The following ABCA12 variants were observed in gnomAD, a reference collection of about 807,000 sequenced individuals.
The protein encoded by ABCA12 is glucosylceramide transporter ABCA12.
A neutral mutation model predicts 293.5 loss-of-function variants in ABCA12; 156 were observed. The ratio of observed to expected loss-of-function variants is 0.53; its 90% CI spans 0.47 to 0.61. The LOEUF is 0.61. Among genes scored for constraint, ABCA12 ranks in the 20% least tolerant of loss-of-function variants. The pLI is 0.00. For missense variants in ABCA12, 2,797 were observed against 3,090.2 expected, an observed-to-expected ratio of 0.91 and a Z score of 2.25; for synonymous variants, 1,063 against 1,108.0, an observed-to-expected ratio of 0.96 and a Z score of 0.81.
chr2:215,103,267 C>CTT (rs72000528), intron 2 of ABCA12, among the ~76,000 whole-genome samples: 5,518 of 122,242 alleles, frequency 0.045, 270 homozygotes, highest in Non-Finnish European at 0.067. Context: ...AAATTTCTTT[C>CTT]TTTTTTTTTT....
intron 39 of ABCA12, among the ~76,000 whole-genome samples, chr2:214,961,105 A>T (rs1699099423): frequency 6.6e-6 from 1 of 152,154 alleles, no homozygotes; most frequent in African/African-American, 2.4e-5. Context: ...AACCAGTAAC[A>T]TTATTACAAT....
intron 1 of ABCA12, 39 bp downstream of exon 1, chr2:215,138,101 G>T (rs747034627): frequency 1.3e-6 from 2 of 1,585,992 alleles, no homozygotes; most frequent in Admixed American, 1.7e-5. Flanking sequence ...CTGGCGTATT[G>T]CCCCATGACC....
chr2:215,074,216 C>T (rs1701791939), intron 2 of ABCA12, among the ~76,000 whole-genome samples: 1 of 152,076 alleles, frequency 6.6e-6, no homozygotes, highest in Non-Finnish European at 1.5e-5. Context: ...GTTGTTTTTC[C>T]CCCTCTCAGG....
chr2:214,976,930 T>C (rs955734487), intron 33 of ABCA12, among the ~76,000 whole-genome samples: 2 of 152,194 alleles, frequency 1.3e-5, no homozygotes, highest in South Asian at 4.1e-4. Flanking sequence ...GATAAAATGA[T>C]GGTATTCATC....
intron 1 of ABCA12, among the ~76,000 whole-genome samples, chr2:215,130,928 T>A (rs554701800): frequency 7.0e-6 from 1 of 142,458 alleles, no homozygotes; most frequent in South Asian, 2.2e-4. Flanking sequence ...ATGCCTAGTC[T>A]GCTGAGGGTT....
intron 2 of ABCA12, among the ~76,000 whole-genome samples, chr2:215,065,957 T>C (rs1279668956): frequency 6.6e-6 from 1 of 152,266 alleles, no homozygotes; most frequent in East Asian, 1.9e-4. Context: ...GGACCCTCTT[T>C]GACACCAGAG....
At chr2:215,070,565 T>C (rs970152914) in intron 2 of ABCA12, among the ~76,000 whole-genome samples, 4 of 115,210 alleles carry the variant, frequency 3.5e-5, no homozygotes, top group African/African-American at 1.3e-4. Context: ...CCCCAGAGTG[T>C]GATGTTCCCC....
intron 39 of ABCA12, among the ~76,000 whole-genome samples, chr2:214,964,222 A>G (rs975511898): frequency 2.0e-5 from 3 of 152,192 alleles, no homozygotes; most frequent in African/African-American, 7.2e-5. Flanking sequence ...TTGAAGGAAC[A>G]TACCTCAAAA....
intron 19 of ABCA12, 112 bp from the exon 20 acceptor site, chr2:215,004,411 T>C: frequency 1.3e-6 from 1 of 744,762 alleles, no homozygotes; most frequent in South Asian, 1.5e-5. Context: ...GCATTATCAA[T>C]GCACTGTCTT....
intron 4 of ABCA12, among the ~76,000 whole-genome samples, chr2:215,053,229 C>T (rs73074419): frequency 0.024 from 3,708 of 152,052 alleles, 165 homozygotes; most frequent in African/African-American, 0.084. Context: ...AGCTAGAAGA[C>T]GACATTCCTA....
At chr2:215,006,867 C>CTTTTTTT (rs371764502) in intron 19 of ABCA12, among the ~76,000 whole-genome samples, 1 of 67,870 alleles carries the variant, frequency 1.5e-5, no homozygotes, top group African/African-American at 5.4e-5. Context: ...AAATTCCTGC[C>CTTTTTTT]TTTTTTTTTT....
In ABCA12 at chr2:215,037,038, A is replaced by G; in HGVS notation, c.900T>C (p.Tyr300=). Reference sequence around the variant, plus strand: ...AACCTTCGTTAGTTGCAAAACGTGGATAAACCTTCTGCACAACCAGCAGCA... The same window carrying G: ...AACCTTCGTTAGTTGCAAAACGTGGGTAAACCTTCTGCACAACCAGCAGCA... ...NSVLLVVQKV[Y]PRFATNEGFR... Residue 300 remains tyrosine (Y), a synonymous_variant, in exon 8 of 53, where the codon TAT becomes TAC. Coordinates refer to ENST00000272895, the MANE Select transcript of ABCA12 (RefSeq NM_173076.3). 6.2e-7 allele frequency: 1 copy of G among 1,613,960 alleles called. No individual in the cohort carries two copies. Among genetic ancestry groups the G allele is most frequent in the East Asian group, 2.2e-5 (1 of 44,852 alleles).
chr2:215,118,657 C>T (rs946683494), intron 1 of ABCA12, among the ~76,000 whole-genome samples: 15 of 151,906 alleles, frequency 9.9e-5, no homozygotes, highest in African/African-American at 3.6e-4. Context: ...TTGTTGAGCA[C>T]CTACTATGTA....
chr2:214,963,605 C>CA (rs57895778), intron 39 of ABCA12, among the ~76,000 whole-genome samples: 1,271 of 69,622 alleles, frequency 0.018, 4 homozygotes, highest in Non-Finnish European at 0.024. Flanking sequence ...GCAGAGATAC[C>CA]AAAAAAAAAA....
chr2:215,048,065 A>T (rs988278934), intron 6 of ABCA12, among the ~76,000 whole-genome samples: 1 of 152,200 alleles, frequency 6.6e-6, no homozygotes, highest in Non-Finnish European at 1.5e-5. Context: ...AGCATATGAA[A>T]AAAAGCTCAA....
At chr2:215,126,178 G>A (rs1702917484) in intron 1 of ABCA12, among the ~76,000 whole-genome samples, 2 of 152,164 alleles carry the variant, frequency 1.3e-5, no homozygotes, top group Admixed American at 1.3e-4. Context: ...TTTCTGATAT[G>A]TTGCTGGATT....
intron 52 of ABCA12, among the ~76,000 whole-genome samples, chr2:214,933,312 T>C (rs2105906200): frequency 6.6e-6 from 1 of 152,330 alleles, no homozygotes; most frequent in South Asian, 2.1e-4. Context: ...GTCTGTATTT[T>C]GCCATGGTGC....
At chr2:215,035,698 T>C (rs1217717283) in intron 8 of ABCA12, 1 of 142,258 alleles carries the variant, frequency 7.0e-6, no homozygotes, top group Non-Finnish European at 1.5e-5. Flanking sequence ...CTTGCCAAAA[T>C]GATTAGCACA....
intron 5 of ABCA12, among the ~76,000 whole-genome samples, chr2:215,051,841 T>C (rs558490581): frequency 7.0e-4 from 107 of 152,066 alleles, no homozygotes; most frequent in Middle Eastern, 3.4e-3. Flanking sequence ...TAAGGGGAAG[T>C]AGAGATTGTA....
Sources: gnomAD v4.1 joint callset for allele counts (sites outside exome capture counted in the v4.1 genomes callset) on GRCh38, gnomAD v4.1.1 for gene constraint, MANE v1.5 for transcripts, NCBI Gene and HGNC (gene_info 2026-07-23, HGNC 2026-07-21) for gene names.